The following COX6C variants were observed in gnomAD, a reference collection of about 807,000 sequenced individuals.
COX6C encodes the protein cytochrome c oxidase polypeptide VIc.
A neutral mutation model predicts 6.9 loss-of-function variants in COX6C; 3 were observed. The ratio of observed to expected loss-of-function variants is 0.43; its 90% CI spans 0.20 to 1.12. The LOEUF (loss-of-function observed/expected upper bound fraction) is 1.12. Among genes scored for constraint, COX6C ranks in the 50% most tolerant of loss-of-function variants. The pLI is 0.27. For synonymous variants in COX6C, 32 were observed against 32.0 expected (o/e 1.00, Z 0.00); for missense variants, 101 against 97.3 (o/e 1.04, Z -0.16).
At chr8:99,889,267 T>C (rs903277908) in intron 2 of COX6C, among the ~76,000 whole-genome samples, 4 of 151,712 alleles carry the variant, frequency 2.6e-5, no homozygotes, top group African/African-American at 9.7e-5. Context: ...CAGTGTTCCA[T>C]CTCCTCTTTG....
intron 3 of COX6C, among the ~76,000 whole-genome samples, chr8:99,885,052 TGAAA>T (rs1303864577): frequency 2.6e-5 from 4 of 152,052 alleles, no homozygotes; most frequent in Admixed American, 1.3e-4. Context: ...CCGGGTGGGG[TGAAA>T]GAAAGAACAA....
intron 3 of COX6C, among the ~76,000 whole-genome samples, chr8:99,884,449 T>C (rs929419769): frequency 1.3e-5 from 2 of 152,208 alleles, no homozygotes; most frequent in Non-Finnish European, 2.9e-5. Context: ...CTGACCTAGA[T>C]GAAACAGATA....
intron 3 of COX6C, among the ~76,000 whole-genome samples, chr8:99,884,706 G>T (rs560962639): frequency 1.8e-4 from 28 of 152,170 alleles, no homozygotes; most frequent in African/African-American, 6.7e-4. Context: ...AACTATGGAT[G>T]GTACCAAACC....
At chr8:99,886,564 T>G (rs1817945383) in intron 3 of COX6C, among the ~76,000 whole-genome samples, 1 of 152,128 alleles carries the variant, frequency 6.6e-6, no homozygotes, top group Non-Finnish European at 1.5e-5. Context: ...TTTGCATGCC[T>G]AGGTTCACAG....
chr8:99,889,589 T>C (rs1818003153), intron 2 of COX6C, among the ~76,000 whole-genome samples: 2 of 151,506 alleles, frequency 1.3e-5, no homozygotes, highest in South Asian at 2.1e-4. Context: ...GGTTTCACCA[T>C]GTAGGCCAGG....
intron 1 of COX6C, 29 bp from the exon 2 acceptor site, chr8:99,892,081 T>G: frequency 7.4e-7 from 1 of 1,345,384 alleles, no homozygotes; most frequent in African/African-American, 1.5e-5. Flanking sequence ...TATGATTAAG[T>G]ACAGAGTTTA....
rs1817968255 is a variant in COX6C at position 99,887,930 on chromosome 8, A to C, written c.115-312T>G. Among the ~76,000 whole-genome samples, 3 of 152,006 alleles carry C rather than the reference A, an allele frequency of 2.0e-5. No individual in the cohort carries two copies. In the East Asian group the frequency reaches 5.8e-4, roughly 29 times the overall value. On this transcript the variant is annotated intron_variant, in intron 2 of 3. Transcript: ENST00000520468. ...ATTCAAGACAAAAATGGAAAGTTTAAGTGACTTATTATTTTTTTTAAAGAT... is the reference window on the plus strand; with the variant it reads ...ATTCAAGACAAAAATGGAAAGTTTACGTGACTTATTATTTTTTTTAAAGAT...
chr8:99,879,508 C>T lies in COX6C; in HGVS notation c.*16-1243G>A, dbSNP rs565971431. On this transcript the variant is annotated intron_variant, in intron 3 of 3. Transcript: ENST00000520468. The stretch of plus-strand genomic sequence containing the variant: ...ACTGTGAAGCTCCAGGCCCCCAAAC[C>T]CCCACAAAAAATAATGAATAAACAT... 2.6e-5 allele frequency among the ~76,000 whole-genome samples: 4 copies of T among 152,156 alleles called. No individual in the cohort carries two copies. The South Asian group carries it at 8.3e-4, about 32-fold the overall frequency.
intron 2 of COX6C, among the ~76,000 whole-genome samples, chr8:99,889,208 T>C (rs993570401): frequency 6.6e-6 from 1 of 152,158 alleles, no homozygotes; most frequent in African/African-American, 2.4e-5. Context: ...CTTTGTGTGC[T>C]TGTCTCTCCA....
At chr8:99,886,484 A>G (rs2131006995) in intron 3 of COX6C, 1 of 152,334 alleles carries the variant, frequency 6.6e-6, no homozygotes, top group East Asian at 1.9e-4. Flanking sequence ...GAAATTAAAA[A>G]TCATATGATC....
At chr8:99,892,369 G>C (rs537303201) in intron 1 of COX6C, among the ~76,000 whole-genome samples, 13 of 152,148 alleles carry the variant, frequency 8.5e-5, no homozygotes, top group African/African-American at 2.9e-4. Flanking sequence ...AATAACATAA[G>C]CTATTGACTG....
chr8:99,884,943 C>G (rs1019065072), intron 3 of COX6C, among the ~76,000 whole-genome samples: 3 of 152,206 alleles, frequency 2.0e-5, no homozygotes, highest in African/African-American at 7.2e-5. Flanking sequence ...AGATTTAATG[C>G]AATCCCTATC....
chr8:99,882,484 A>G (rs1389704144), intron 3 of COX6C, among the ~76,000 whole-genome samples: 1 of 152,216 alleles, frequency 6.6e-6, no homozygotes, highest in Non-Finnish European at 1.5e-5. Context: ...ATAAATTAAA[A>G]AAGAAATTAC....
intron 1 of COX6C, 107 bp from the exon 2 acceptor site, chr8:99,892,159 G>C (rs543597880): frequency 1.1e-5 from 7 of 622,914 alleles, no homozygotes; most frequent in Non-Finnish European, 2.0e-5. Flanking sequence ...TATACACTCC[G>C]ATTAGCAGCA....
chr8:99,889,366 T>C (rs1341601834), intron 2 of COX6C, among the ~76,000 whole-genome samples: 1 of 147,892 alleles, frequency 6.8e-6, no homozygotes, highest in East Asian at 2.0e-4. Context: ...CTCGGCTCAC[T>C]GCAACCTCCA....
Position 99,893,630 on chromosome 8 carries a change from C to G in COX6C, c.-32+9G>C, listed in dbSNP as rs985902264. 1 of 152,282 alleles carries G rather than the reference C, an allele frequency of 6.6e-6. No individual in the cohort carries two copies. Among genetic ancestry groups the G allele is most frequent in the South Asian group, 2.1e-4 (1 of 4,832 alleles). 9.4% of individuals were successfully genotyped at this position (152,282 alleles called of 1,614,324 possible). A position where few individuals can be genotyped will look rare whatever the true frequency, so the allele number is the denominator to read the frequency against. On this transcript the variant is annotated intron_variant, in intron 1 of 3. Transcript: ENST00000520468. Reference sequence around the variant, plus strand: ...GTCGGGGTAGGGATGCAAAAGGGACCGGACTCACCTCAACACCAACGTCCT... The same window carrying G: ...GTCGGGGTAGGGATGCAAAAGGGACGGGACTCACCTCAACACCAACGTCCT...
intron 1 of COX6C, 130 bp downstream of exon 1, chr8:99,893,509 G>A (rs1264801733): frequency 6.6e-6 from 1 of 152,322 alleles, no homozygotes; most frequent in East Asian, 1.9e-4. Flanking sequence ...GTAGATGCGG[G>A]AGAGGCCTGA....
At chr8:99,888,996 T>A (rs1817990618) in intron 2 of COX6C, among the ~76,000 whole-genome samples, 1 of 152,220 alleles carries the variant, frequency 6.6e-6, no homozygotes, top group African/African-American at 2.4e-5. Flanking sequence ...GTCTGTTTTC[T>A]TTTTTCCTTT....
intron 2 of COX6C, among the ~76,000 whole-genome samples, chr8:99,889,963 G>C (rs563233945): frequency 2.0e-5 from 3 of 151,848 alleles, no homozygotes; most frequent in African/African-American, 7.2e-5. Flanking sequence ...GTGTGGTGGC[G>C]GACGCCTGTA....
Sources: gnomAD v4.1 joint callset for allele counts (sites outside exome capture counted in the v4.1 genomes callset) on GRCh38, gnomAD v4.1.1 for gene constraint, MANE v1.5 for transcripts, NCBI Gene and HGNC (gene_info 2026-07-23, HGNC 2026-07-21) for gene names.